The following SNX13 variants were observed in gnomAD, a reference collection of about 807,000 sequenced individuals.
SNX13 encodes sorting nexin 13.
Under a neutral mutation model 133.6 loss-of-function variants are expected in SNX13, and 45 were observed. That is an observed-to-expected ratio of 0.34 (90% confidence interval 0.27 to 0.43). SNX13 has a LOEUF of 0.43. Ranked by LOEUF, SNX13 falls within the 20% of genes least tolerant of loss-of-function variation. The probability of loss-of-function intolerance (pLI) is 1.00; values close to 1 mark genes in which losing one functional copy is unlikely to be tolerated. For synonymous variants in SNX13, 414 were observed against 373.9 expected, an observed-to-expected ratio of 1.11 and a Z score of -1.24; for missense variants, 1,032 against 1,145.1, an observed-to-expected ratio of 0.90 and a Z score of 1.43.
intron 5 of SNX13, among the ~76,000 whole-genome samples, chr7:17,885,680 T>A (rs952263594): frequency 2.6e-5 from 4 of 152,062 alleles, no homozygotes; most frequent in African/African-American, 9.7e-5. Context: ...TACAAAAAAT[T>A]AGCCGGGAGT....
intron 1 of SNX13, among the ~76,000 whole-genome samples, chr7:17,923,964 T>C (rs114915431): frequency 0.018 from 2,688 of 152,332 alleles, 83 homozygotes; most frequent in African/African-American, 0.062. Flanking sequence ...AATACATTTA[T>C]TCAAAACTCA....
At chr7:17,920,233 T>C (rs1799985641) in intron 1 of SNX13, among the ~76,000 whole-genome samples, 1 of 152,238 alleles carries the variant, frequency 6.6e-6, no homozygotes, top group Admixed American at 6.5e-5. Flanking sequence ...TTTTAATTAC[T>C]AGTTAACATG....
chr7:17,907,302 T>C (rs751869823), intron 1 of SNX13: 1 of 152,168 alleles, frequency 6.6e-6, no homozygotes, highest in Non-Finnish European at 1.5e-5. Context: ...TTTTCCACTA[T>C]AATTTTCTGG....
chr7:17,796,894 G>A lies in SNX13; in HGVS notation c.2559C>T (p.Cys853=). ...TTCTCATTCGAATACTTTTATCTCT[G>A]CATGGAACAGCCTCTGCTAAAATGC... ...PNGILAEAVP[C]RDKSIRMRTR... Residue 853 remains cysteine, a synonymous_variant, in exon 25 of 26, where the codon TGC becomes TGT. Coordinates refer to ENST00000428135, the MANE Select transcript of SNX13 (RefSeq NM_015132.5). 6.2e-7 allele frequency: 1 copy of A among 1,611,068 alleles called. No homozygotes were observed. The highest frequency in any genetic ancestry group is 8.5e-7 in the Non-Finnish European group (1 of 1,178,126).
At chr7:17,857,253 A>T (rs1792027956) in intron 9 of SNX13, among the ~76,000 whole-genome samples, 2 of 152,216 alleles carry the variant, frequency 1.3e-5, no homozygotes, top group Non-Finnish European at 2.9e-5. Context: ...AAAGTATCCC[A>T]TCCAAGAAAA....
At chr7:17,916,630 C>T (rs1015100519) in intron 1 of SNX13, among the ~76,000 whole-genome samples, 5 of 151,382 alleles carry the variant, frequency 3.3e-5, no homozygotes, top group Admixed American at 2.0e-4. Context: ...CTGAACAGAT[C>T]GATAACAAGT....
chr7:17,808,627 G>A (rs185251494), intron 20 of SNX13, among the ~76,000 whole-genome samples: 3,132 of 152,146 alleles, frequency 0.021, 46 homozygotes, highest in Middle Eastern at 0.054. Context: ...ACTCCTCAAG[G>A]AGAGCAACTC....
At chr7:17,801,026 A>T (rs1372611329) in intron 22 of SNX13, among the ~76,000 whole-genome samples, 3 of 16,938 alleles carry the variant, frequency 1.8e-4, no homozygotes, top group African/African-American at 4.6e-4. Context: ...ATATATATAT[A>T]TATATATATA....
At chr7:17,908,563 C>G (rs752680705) in intron 1 of SNX13, among the ~76,000 whole-genome samples, 1 of 152,188 alleles carries the variant, frequency 6.6e-6, no homozygotes, top group Non-Finnish European at 1.5e-5. Context: ...TCATTGTATT[C>G]TCTGCTTCCA....
intron 5 of SNX13, among the ~76,000 whole-genome samples, chr7:17,878,357 A>C (rs1162675137): frequency 6.6e-6 from 1 of 152,190 alleles, no homozygotes; most frequent in Non-Finnish European, 1.5e-5. Flanking sequence ...ATGGCCAAAA[A>C]AAGTGATACA....
intron 19 of SNX13, 108 bp downstream of exon 19, chr7:17,816,074 C>T: frequency 8.0e-7 from 1 of 1,247,786 alleles, no homozygotes; most frequent in South Asian, 1.7e-5. Flanking sequence ...GGTTGCTACC[C>T]TGTGATTACA....
intron 2 of SNX13, among the ~76,000 whole-genome samples, chr7:17,896,938 G>T (rs2127999014): frequency 6.6e-6 from 1 of 152,198 alleles, no homozygotes; most frequent in East Asian, 1.9e-4. Flanking sequence ...ACATTTGTTT[G>T]AAGTCTAATC....
At chr7:17,940,163 G>C (rs753359746) in intron 1 of SNX13, 121 bp downstream of exon 1, 7 of 1,328,216 alleles carry the variant, frequency 5.3e-6, no homozygotes, top group Non-Finnish European at 6.3e-6. Context: ...GCTGCTCCTC[G>C]GGCCCTGGAG....
At chr7:17,921,247 T>G (rs149454498) in intron 1 of SNX13, among the ~76,000 whole-genome samples, 266 of 152,332 alleles carry the variant, frequency 1.7e-3, no homozygotes, top group African/African-American at 6.0e-3. Context: ...CTGCTGGATG[T>G]GTTCTCTAGA....
At chr7:17,814,335 T>A (rs1392210493) in intron 20 of SNX13, among the ~76,000 whole-genome samples, 1 of 152,164 alleles carries the variant, frequency 6.6e-6, no homozygotes, top group East Asian at 1.9e-4. Context: ...TCTTACCCAC[T>A]AAGCTATCCT....
intron 2 of SNX13, among the ~76,000 whole-genome samples, chr7:17,893,970 G>GAAAAAAA: frequency 7.9e-6 from 1 of 126,922 alleles, no homozygotes; most frequent in Non-Finnish European, 1.7e-5. Context: ...AGACTGTCTC[G>GAAAAAAA]AAAAAAAAAA....
intron 22 of SNX13, among the ~76,000 whole-genome samples, chr7:17,799,453 G>A (rs1265720182): frequency 1.3e-5 from 2 of 151,798 alleles, no homozygotes; most frequent in Middle Eastern, 6.8e-3. Flanking sequence ...TCTTACTATT[G>A]GAAGAGACTG....
rs76121538 is a variant in SNX13 at position 17,905,800 on chromosome 7, T to C, written c.13-8354A>G. Among the ~76,000 whole-genome samples the C allele has an allele frequency of 4.3e-3, 653 of 152,246 alleles. 1 individual carries two copies. Among genetic ancestry groups the C allele is most frequent in the African/African-American group, 0.015 (621 of 41,524 alleles). ...GCCCAACGCTCAAGGCTATTTACAC[T>C]TTTACAGATTTTGTCTGTTTAAAAA... On this transcript the variant is annotated intron_variant, in intron 1 of 25. Coordinates refer to ENST00000428135, the MANE Select transcript of SNX13 (RefSeq NM_015132.5).
chr7:17,940,206 C>G (rs1416357875), intron 1 of SNX13, 78 bp downstream of exon 1: 1 of 1,540,316 alleles, frequency 6.5e-7, no homozygotes, highest in South Asian at 1.2e-5. Context: ...ACCTTCCGTA[C>G]AGATGATGTT....
Sources: gnomAD v4.1 joint callset for allele counts (sites outside exome capture counted in the v4.1 genomes callset) on GRCh38, gnomAD v4.1.1 for gene constraint, MANE v1.5 for transcripts, NCBI Gene and HGNC (gene_info 2026-07-23, HGNC 2026-07-21) for gene names.